ROBO2: variants seen among roughly 807,000 people sequenced by gnomAD.
ROBO2 encodes roundabout guidance receptor 2.
In ROBO2, 53 loss-of-function variants were observed where a neutral mutation model predicts 160.8. The ratio of observed to expected loss-of-function variants is 0.33; its 90% CI spans 0.26 to 0.41. The LOEUF is 0.41. Ranked by LOEUF, ROBO2 falls within the 10% of genes least tolerant of loss-of-function variation. The pLI is 1.00. For synonymous variants in ROBO2, 664 were observed against 611.7 expected, an observed-to-expected ratio of 1.09 and a Z score of -1.26; for missense variants, 1,577 against 1,722.4, an observed-to-expected ratio of 0.92 and a Z score of 1.49.
At chr3:76,816,599 C>T (rs1228223492) in intron 2 of ROBO2, among the ~76,000 whole-genome samples, 1 of 151,864 alleles carries the variant, frequency 6.6e-6, no homozygotes, top group African/African-American at 2.4e-5. Context: ...TAATGCCAAC[C>T]ATTAGCCTAT....
intron 2 of ROBO2, among the ~76,000 whole-genome samples, chr3:76,375,844 G>A (rs1157117950): frequency 1.3e-5 from 2 of 152,012 alleles, no homozygotes; most frequent in Admixed American, 6.6e-5. Flanking sequence ...ATATCATAAA[G>A]TCAGAATTGC....
chr3:76,510,891 A>G (rs973083412), intron 2 of ROBO2, among the ~76,000 whole-genome samples: 2 of 152,214 alleles, frequency 1.3e-5, no homozygotes, highest in East Asian at 3.9e-4. Flanking sequence ...TGAAGCAAGC[A>G]AAGATCTATC....
intron 2 of ROBO2, among the ~76,000 whole-genome samples, chr3:77,418,645 C>A (rs1470558311): frequency 6.6e-6 from 1 of 152,072 alleles, no homozygotes; most frequent in Non-Finnish European, 1.5e-5. Flanking sequence ...CCCAAATCTC[C>A]ATTTTACTAG....
At chr3:77,576,576 G>C (rs1224269660) in intron 14 of ROBO2, among the ~76,000 whole-genome samples, 5 of 152,068 alleles carry the variant, frequency 3.3e-5, no homozygotes, top group African/African-American at 9.7e-5. Flanking sequence ...TTATTTCTTA[G>C]TTCTCAGGCA....
At chr3:76,139,330 A>G (rs954085310) in intron 2 of ROBO2, among the ~76,000 whole-genome samples, 2 of 152,116 alleles carry the variant, frequency 1.3e-5, no homozygotes, top group African/African-American at 4.8e-5. Context: ...CAGCTCAGAT[A>G]CCAACTAATA....
At chr3:77,310,862 A>T (rs1001775350) in intron 2 of ROBO2, among the ~76,000 whole-genome samples, 7 of 151,982 alleles carry the variant, frequency 4.6e-5, no homozygotes, top group Admixed American at 1.3e-4. Context: ...TGAAAAAAAA[A>T]AAATAAAAGA....
At chr3:76,673,773 G>A (rs1170102780) in intron 2 of ROBO2, among the ~76,000 whole-genome samples, 1 of 151,882 alleles carries the variant, frequency 6.6e-6, no homozygotes, top group African/African-American at 2.4e-5. Flanking sequence ...ATTTGTTAGT[G>A]CAAGTCAAGA....
intron 2 of ROBO2, among the ~76,000 whole-genome samples, chr3:76,178,949 T>C (rs1047019316): frequency 6.6e-5 from 10 of 151,900 alleles, no homozygotes; most frequent in African/African-American, 2.2e-4. Context: ...CTCAAAAATA[T>C]AAATAAATAA....
At chr3:76,919,921 A>G (rs2076556632) in intron 2 of ROBO2, among the ~76,000 whole-genome samples, 1 of 152,226 alleles carries the variant, frequency 6.6e-6, no homozygotes, top group East Asian at 1.9e-4. Flanking sequence ...AAATATTGAT[A>G]TAAGCAGAAT....
chr3:77,227,448 C>T (rs2086628087), intron 2 of ROBO2, among the ~76,000 whole-genome samples: 1 of 152,052 alleles, frequency 6.6e-6, no homozygotes. Flanking sequence ...ATTGAAAAAA[C>T]TCTACTGCAA....
Position 77,410,727 on chromosome 3 carries a change from TCC to T in ROBO2, c.389-66686_389-66685del, listed in dbSNP as rs1469204637. The stretch of plus-strand genomic sequence containing the variant: ...CTCCTCCTCCTCCTCTTCCTCCTCC[TCC>T]TCTTCCTCCTCCTTTTCCTCCTCCT... On this transcript the variant is annotated intron_variant, in intron 2 of 25. Transcript: ENST00000461745. Among the ~76,000 whole-genome samples, 781 of 144,524 alleles carry T rather than the reference TCC, an allele frequency of 5.4e-3. 4 individuals carry two copies. Among genetic ancestry groups the T allele is most frequent in the East Asian group, 0.015 (69 of 4,510 alleles). 94.8% of individuals were successfully genotyped at this position (144,524 alleles called of 152,430 possible). A position where few individuals can be genotyped will look rare whatever the true frequency, so the allele number is the denominator to read the frequency against.
rs868825515 is a variant in ROBO2 at position 77,241,024 on chromosome 3, A to G, written c.388+142684A>G. 1.2e-4 allele frequency among the ~76,000 whole-genome samples: 19 copies of G among 152,336 alleles called. 1 individual carries two copies. The Middle Eastern group carries it at 0.014, about 109-fold the overall frequency. ...AAGGTCAGGGATGATTGGCAGGTAC[A>G]ACAGTTCAAATAGAAGTAGTTCACA... is the stretch of plus-strand genomic sequence containing the variant. On this transcript the variant is annotated intron_variant, in intron 2 of 25. Transcript: ENST00000461745.
intron 2 of ROBO2, among the ~76,000 whole-genome samples, chr3:76,425,510 G>GTGTGTC (rs2076181689): frequency 1.5e-5 from 2 of 134,854 alleles, no homozygotes; most frequent in South Asian, 2.8e-4. Flanking sequence ...GTGTGTGTGT[G>GTGTGTC]TGTGTGTGTG....
intron 2 of ROBO2, among the ~76,000 whole-genome samples, chr3:76,642,107 C>A (rs1188146181): frequency 1.3e-5 from 2 of 152,042 alleles, no homozygotes; most frequent in Non-Finnish European, 2.9e-5. Flanking sequence ...AAAATTATTT[C>A]CAAACTAAAC....
chr3:76,352,533 C>A (rs946104788), intron 2 of ROBO2, among the ~76,000 whole-genome samples: 1 of 151,888 alleles, frequency 6.6e-6, no homozygotes, highest in Non-Finnish European at 1.5e-5. Context: ...ATGTTTAATT[C>A]CCTAGGCAGA....
At chr3:76,118,154 C>T (rs1317203624) in intron 2 of ROBO2, among the ~76,000 whole-genome samples, 1 of 151,950 alleles carries the variant, frequency 6.6e-6, no homozygotes, top group Non-Finnish European at 1.5e-5. Flanking sequence ...AAAACAAAGA[C>T]ACCAATTTGA....
intron 1 of ROBO2, among the ~76,000 whole-genome samples, chr3:75,909,998 T>C (rs1946500006): frequency 1.3e-5 from 2 of 152,176 alleles, no homozygotes; most frequent in South Asian, 4.1e-4. Flanking sequence ...ATGAGGAAGC[T>C]GAGATCATTT....
At chr3:77,421,831 T>A (rs2077741234) in intron 2 of ROBO2, among the ~76,000 whole-genome samples, 1 of 152,162 alleles carries the variant, frequency 6.6e-6, no homozygotes, top group African/African-American at 2.4e-5. Context: ...AATTTTATTA[T>A]AATGAACAAA....
chr3:76,352,324 CA>C (rs1305790829), intron 2 of ROBO2, among the ~76,000 whole-genome samples: 5 of 151,976 alleles, frequency 3.3e-5, no homozygotes, highest in Admixed American at 3.3e-4. Context: ...GCAAGTCAGG[CA>C]CATCCCCTCG....
Sources: allele counts gnomAD v4.1 joint callset (sites outside exome capture counted in the v4.1 genomes callset), GRCh38; gene constraint gnomAD v4.1.1; transcripts MANE v1.5; gene names NCBI Gene and HGNC (gene_info 2026-07-23, HGNC 2026-07-21).